The following TMC5 variants were observed in gnomAD, a reference collection of about 807,000 sequenced individuals.
TMC5 encodes the protein transmembrane channel-like protein 5.
TMC5 carries 86 observed loss-of-function variants against 110.5 expected under a neutral mutation model. That is an observed-to-expected ratio of 0.78 (90% CI 0.65 to 0.93). The LOEUF is 0.93. Among genes scored for constraint, TMC5 ranks in the 40% least tolerant of loss-of-function variants. The probability of loss-of-function intolerance (pLI) is 0.00; values close to 1 mark genes in which losing one functional copy is unlikely to be tolerated. For missense variants in TMC5, 1,144 were observed against 1,222.8 expected, an observed-to-expected ratio of 0.94 and a Z score of 0.96; for synonymous variants, 455 against 439.5, an observed-to-expected ratio of 1.04 and a Z score of -0.44.
chr16:19,440,037 A>G lies in TMC5; in HGVS notation c.-2A>G. 1 of 1,611,314 alleles carries G rather than the reference A, an allele frequency of 6.2e-7. No homozygotes were observed. Among genetic ancestry groups the G allele is most frequent in the Non-Finnish European group, 8.5e-7 (1 of 1,178,342 alleles). On this transcript the variant is annotated 5_prime_UTR_variant, in exon 3 of 22. Transcript: ENST00000542583. ...ACTCCAGGGTGAAGAGTCCATACCA[A>G]CATGTCTGCCTACTACAGGAATAAC...
At chr16:19,425,202 C>T (rs558321147) in intron 1 of TMC5, among the ~76,000 whole-genome samples, 1 of 152,274 alleles carries the variant, frequency 6.6e-6, no homozygotes, top group East Asian at 1.9e-4. Flanking sequence ...AAGATGAAAA[C>T]TACCTGGCTT....
At chr16:19,462,421 T>C in intron 6 of TMC5, 1 of 677,300 alleles carries the variant, frequency 1.5e-6, no homozygotes, top group Non-Finnish European at 2.7e-6. Flanking sequence ...ATTAGTCTGC[T>C]CTCACTCTGC....
At chr16:19,496,622 C>T (rs369741481) in intron 20 of TMC5, among the ~76,000 whole-genome samples, 6 of 151,908 alleles carry the variant, frequency 3.9e-5, no homozygotes, top group Admixed American at 6.6e-5. Context: ...CGGTGGCTCA[C>T]GCCTGTAATC....
chr16:19,472,051 A>G (rs1968355912), intron 10 of TMC5, 37 bp from the exon 11 acceptor site: 1 of 1,603,816 alleles, frequency 6.2e-7, no homozygotes, highest in East Asian at 2.3e-5. Context: ...GTGAGCCACC[A>G]TGCCCAGCCA....
At chr16:19,422,784 A>C (rs1412265047) in intron 1 of TMC5, among the ~76,000 whole-genome samples, 1 of 152,132 alleles carries the variant, frequency 6.6e-6, no homozygotes, top group Non-Finnish European at 1.5e-5. Context: ...CATCTCTAAT[A>C]AAACTACAAA....
At position 19,419,633 on chromosome 16, in the gene TMC5, G is replaced by C. The variant is rs900611406; in HGVS notation, c.-308+1541G>C. Among the ~76,000 whole-genome samples the C allele has an allele frequency of 4.0e-5, 6 of 151,804 alleles. No individual in the cohort carries two copies. The East Asian group carries it at 7.8e-4, about 20-fold the overall frequency. ...TTCACCGTGTTAGCCAGGATGGTCT[G>C]AATCTCCTGACCTCGTGATCCATCC... On this transcript the variant is annotated intron_variant, in intron 1 of 21. Transcript: ENST00000542583.
rs147941436 is a variant in TMC5, at chr16:19,472,013, G to A, written c.1783-75G>A. On this transcript the variant is annotated intron_variant, in intron 10 of 21. Transcript: ENST00000542583. Reference sequence around the variant, plus strand: ...TGACCTCAAGTGATCCACCCGCCTTGGCCTCCCAAAGTGCTGGGATTACAG... The same window carrying A: ...TGACCTCAAGTGATCCACCCGCCTTAGCCTCCCAAAGTGCTGGGATTACAG... 8.1e-4 allele frequency: 1,198 copies of A among 1,484,184 alleles called. 5 individuals are homozygous for A. The African/African-American group carries it at 0.015, about 18-fold the overall frequency. 91.9% of individuals were successfully genotyped at this position (1,484,184 alleles called of 1,614,324 possible).
chr16:19,428,002 GTC>G (rs1967121409), intron 1 of TMC5, among the ~76,000 whole-genome samples: 1 of 152,206 alleles, frequency 6.6e-6, no homozygotes, highest in Non-Finnish European at 1.5e-5. Context: ...CTTGGGGACT[GTC>G]TTAGGAGAAG....
chr16:19,422,864 C>G (rs1270560756), intron 1 of TMC5, among the ~76,000 whole-genome samples: 1 of 152,066 alleles, frequency 6.6e-6, no homozygotes, highest in African/African-American at 2.4e-5. Context: ...AGGAGAATTG[C>G]TTGAACCTGG....
Position 19,440,466 on chromosome 16 carries a change from G to A in TMC5, c.428G>A (p.Ser143Asn). Residue 143 changes from serine (S) to asparagine (N), a missense_variant, in exon 3 of 22, where the codon AGT (serine) becomes AAT (asparagine). By Grantham distance (46) the Ser-to-Asn change is conservative. Transcript: ENST00000542583. ...CCTGATTTTGCAGGCTCCAGCAGCA[G>A]TGGAAACTATGCAGGCTCCAGAACA... ...RNPDFAGSSS[S>N]GNYAGSRTHP... The A allele has an allele frequency of 6.2e-7, 1 of 1,614,056 alleles. No individual in the cohort carries two copies. Among genetic ancestry groups the A allele is most frequent in the Non-Finnish European group, 8.5e-7 (1 of 1,180,016 alleles).
rs192446358 is a variant in TMC5, at chr16:19,473,439, G to A, written c.1939-686G>A. On this transcript the variant is annotated intron_variant, in intron 11 of 21. Coordinates refer to ENST00000542583, the MANE Select transcript of TMC5 (RefSeq NM_001261841.2). ...CCCCTAATTCAGAACTCAGAGAGAG[G>A]TGAAGCCTGGTGAAAATGAACAAGG... Among the ~76,000 whole-genome samples, 39 of 150,042 alleles carry A rather than the reference G, an allele frequency of 2.6e-4. No homozygotes were observed. The East Asian group carries it at 7.1e-3, about 27-fold the overall frequency.
At chr16:19,486,186 A>C (rs113552798) in intron 15 of TMC5, among the ~76,000 whole-genome samples, 44 of 152,260 alleles carry the variant, frequency 2.9e-4, no homozygotes, top group African/African-American at 1.0e-3. Flanking sequence ...GAGTGCCTTA[A>C]ACAACATCAA....
intron 1 of TMC5, among the ~76,000 whole-genome samples, chr16:19,424,620 G>A (rs1016500322): frequency 6.6e-6 from 1 of 152,162 alleles, no homozygotes; most frequent in African/African-American, 2.4e-5. Context: ...TTGCCCTTCA[G>A]CCTGGGTGAC....
chr16:19,497,970 C>G lies in TMC5; in HGVS notation c.*4C>G. ...AGAAGGTAATCCAAGGGCCTGATGA[C>G]TCTTTTGGTAACCAGACACCAATCA... On this transcript the variant is annotated 3_prime_UTR_variant, in exon 22 of 22. Coordinates refer to ENST00000542583, the MANE Select transcript of TMC5 (RefSeq NM_001261841.2). The G allele has an allele frequency of 6.2e-7, 1 of 1,613,796 alleles. No individual in the cohort carries two copies. The highest frequency in any genetic ancestry group is 1.3e-5 in the African/African-American group (1 of 75,042).
chr16:19,419,061 C>T (rs1220972187), intron 1 of TMC5, among the ~76,000 whole-genome samples: 1 of 152,166 alleles, frequency 6.6e-6, no homozygotes, highest in African/African-American at 2.4e-5. Context: ...ATGATCCAAG[C>T]CCAGCGTATG....
At chr16:19,484,490 G>C (rs1021243140) in intron 15 of TMC5, among the ~76,000 whole-genome samples, 6 of 152,148 alleles carry the variant, frequency 3.9e-5, no homozygotes, top group African/African-American at 1.4e-4. Context: ...AAATAGGCAT[G>C]GTGGCTCACG....
At chr16:19,484,086 A>T in intron 15 of TMC5, among the ~76,000 whole-genome samples, 1 of 151,738 alleles carries the variant, frequency 6.6e-6, no homozygotes, top group Non-Finnish European at 1.5e-5. Context: ...CTGTCTCAAA[A>T]AAAAAAAAAA....
intron 20 of TMC5, among the ~76,000 whole-genome samples, chr16:19,495,875 G>A (rs546214706): frequency 6.6e-6 from 1 of 151,980 alleles, no homozygotes; most frequent in African/African-American, 2.4e-5. Context: ...GCTCCCTCCT[G>A]TGATCCCCAG....
intron 2 of TMC5, among the ~76,000 whole-genome samples, chr16:19,438,036 C>T (rs1479585438): frequency 5.3e-5 from 8 of 152,126 alleles, no homozygotes; most frequent in Non-Finnish European, 1.2e-4. Flanking sequence ...TCCTGAATCA[C>T]CTGGACCAAG....
Sources: gnomAD v4.1 joint callset for allele counts (sites outside exome capture counted in the v4.1 genomes callset) on GRCh38, gnomAD v4.1.1 for gene constraint, MANE v1.5 for transcripts, NCBI Gene and HGNC (gene_info 2026-07-23, HGNC 2026-07-21) for gene names.